The following RAB15 variants were observed in gnomAD, a reference collection of about 807,000 sequenced individuals.
The protein encoded by RAB15 is RAB15, member RAS oncogene family, also known as ras-related protein Rab-15.
A neutral mutation model predicts 31.8 loss-of-function variants in RAB15; 13 were observed. That is an observed-to-expected ratio of 0.41 (90% CI 0.27 to 0.65). The LOEUF (loss-of-function observed/expected upper bound fraction) is 0.65. Ranked by LOEUF, RAB15 falls within the 30% of genes least tolerant of loss-of-function variation. The probability of loss-of-function intolerance (pLI) is 0.32; values close to 1 mark genes in which losing one functional copy is unlikely to be tolerated. For missense variants in RAB15, 220 were observed against 277.3 expected (o/e 0.79, Z 1.47); for synonymous variants, 100 against 105.6 (o/e 0.95, Z 0.33).
chr14:64,966,421 G>A (rs1237623527), intron 1 of RAB15, among the ~76,000 whole-genome samples: 1 of 151,940 alleles, frequency 6.6e-6, no homozygotes, highest in African/African-American at 2.4e-5. Flanking sequence ...TACTTAGGAG[G>A]CTGAGGCAGG....
intron 1 of RAB15, among the ~76,000 whole-genome samples, chr14:64,959,441 A>C (rs1015719821): frequency 6.6e-6 from 1 of 152,240 alleles, no homozygotes; most frequent in African/African-American, 2.4e-5. Context: ...ACACAAAAAG[A>C]ACCTAAGGGG....
rs1393413039 is a variant in RAB15, at chr14:64,947,909, C to T, written c.*445G>A. ...TGCACACAGCAGGACACACGGGGGA[C>T]GGGGTTTGAGGAGCTTTGATACGAA... On this transcript the variant is annotated 3_prime_UTR_variant, in exon 7 of 7. Coordinates refer to ENST00000533601, the MANE Select transcript of RAB15 (RefSeq NM_001308154.2). The surrounding 1 kb of genome is among the most constrained non-coding windows in gnomAD (Gnocchi z 5.6). The T allele has an allele frequency of 6.3e-6, 1 of 159,222 alleles. No homozygotes were observed. The allele number at this position is 159,222 out of a possible 1,614,324, so 9.9% of individuals were successfully genotyped here.
chr14:64,949,324 C>T (rs1886101158), intron 5 of RAB15, among the ~76,000 whole-genome samples: 1 of 152,200 alleles, frequency 6.6e-6, no homozygotes, highest in Non-Finnish European at 1.5e-5. Context: ...ATATTTTATA[C>T]CAAACAATCA....
rs1886679625 is a variant in RAB15 at position 64,958,160 on chromosome 14, C to G, written c.125-5589G>C. 1 of 152,200 alleles carries G rather than the reference C, an allele frequency of 6.6e-6. No individual in the cohort carries two copies. Among genetic ancestry groups the G allele is most frequent in the South Asian group, 2.1e-4 (1 of 4,826 alleles). 9.4% of individuals were successfully genotyped at this position (152,200 alleles called of 1,614,324 possible). A position where few individuals can be genotyped will look rare whatever the true frequency, so the allele number is the denominator to read the frequency against. On this transcript the variant is annotated intron_variant, in intron 1 of 6. Coordinates refer to ENST00000533601, the MANE Select transcript of RAB15 (RefSeq NM_001308154.2). The surrounding 1 kb of genome is among the most constrained non-coding windows in gnomAD (Gnocchi z 4.4). The stretch of plus-strand genomic sequence containing the variant: ...GGGTTTCACTGACATTATGCGGCAT[C>G]TAGAAGTGAGGCAGGGGGCACATGA...
chr14:64,951,069 C>G lies in RAB15; in HGVS notation c.324+5G>C, dbSNP rs1886223506. ...ACACCCCGGCAGTGAGGTGGCATCTCCTACCTCATCCACGTCACTGACCCA... is the reference window on the plus strand; with the variant it reads ...ACACCCCGGCAGTGAGGTGGCATCTGCTACCTCATCCACGTCACTGACCCA... On this transcript the variant is annotated splice_donor_5th_base_variant and intron_variant, in intron 4 of 6. Coordinates refer to ENST00000533601, the MANE Select transcript of RAB15 (RefSeq NM_001308154.2). The surrounding 1 kb of genome is among the most constrained non-coding windows in gnomAD (Gnocchi z 7.2). The G allele has an allele frequency of 6.2e-7, 1 of 1,613,012 alleles. No individual in the cohort carries two copies. Among genetic ancestry groups the G allele is most frequent in the Non-Finnish European group, 8.5e-7 (1 of 1,179,854 alleles).
intron 1 of RAB15, among the ~76,000 whole-genome samples, chr14:64,965,295 T>C (rs1887075440): frequency 6.6e-6 from 1 of 151,958 alleles, no homozygotes; most frequent in South Asian, 2.1e-4. Flanking sequence ...CCATCTCTAC[T>C]AAAAACACAA....
In RAB15 at chr14:64,950,230, C is replaced by A; in HGVS notation, c.414+95G>T. ...GCTGGGGACGTGTGGGAGGACCTGC[C>A]ACTGGGGAACACACCCCTAGGTCCC... is the stretch of plus-strand genomic sequence containing the variant. On this transcript the variant is annotated intron_variant, in intron 5 of 6. Transcript: ENST00000533601. The surrounding 1 kb of genome is among the most constrained non-coding windows in gnomAD (Gnocchi z 5.6). The A allele has an allele frequency of 1.0e-6, 1 of 999,796 alleles. No individual in the cohort carries two copies. The highest frequency in any genetic ancestry group is 1.6e-6 in the Non-Finnish European group (1 of 625,692). The allele number at this position is 999,796 out of a possible 1,614,324, so 61.9% of individuals were successfully genotyped here.
In RAB15 at chr14:64,970,893, G is replaced by A. The variant is rs1887382859; in HGVS notation, c.124+1060C>T. On this transcript the variant is annotated intron_variant, in intron 1 of 6. Coordinates refer to ENST00000533601, the MANE Select transcript of RAB15 (RefSeq NM_001308154.2). The surrounding 1 kb of genome is among the most constrained non-coding windows in gnomAD (Gnocchi z 4.1). ...TCTCTCAGCAAGGAATGTGTGTTGG[G>A]GGGAGGGGGGATGGTGTGGACATGA... is the stretch of plus-strand genomic sequence containing the variant. Among the ~76,000 whole-genome samples, 1 of 152,170 alleles carries A rather than the reference G, an allele frequency of 6.6e-6. No individual in the cohort carries two copies. Among genetic ancestry groups the A allele is most frequent in the Non-Finnish European group, 1.5e-5 (1 of 68,028 alleles).
Position 64,951,168 on chromosome 14 carries a change from T to C in RAB15, c.247-17A>G. On this transcript the variant is annotated splice_polypyrimidine_tract_variant and intron_variant, in intron 3 of 6. Transcript: ENST00000533601. The surrounding 1 kb of genome is among the most constrained non-coding windows in gnomAD (Gnocchi z 7.2). ...AAATATCCCCTGAGAGAGAGAGAAATAGAGAGATGTGATATGCACAGAGAG... is the reference window on the plus strand; with the variant it reads ...AAATATCCCCTGAGAGAGAGAGAAACAGAGAGATGTGATATGCACAGAGAG... 1 of 1,523,438 alleles carries C rather than the reference T, an allele frequency of 6.6e-7. No individual in the cohort carries two copies. Among genetic ancestry groups the C allele is most frequent in the Non-Finnish European group, 9.1e-7 (1 of 1,102,514 alleles). The allele number at this position is 1,523,438 out of a possible 1,614,324, so 94.4% of individuals were successfully genotyped here.
chr14:64,966,585 T>C (rs1044322931), intron 1 of RAB15, among the ~76,000 whole-genome samples: 10 of 152,130 alleles, frequency 6.6e-5, no homozygotes, highest in African/African-American at 2.2e-4. Flanking sequence ...GCAGCTATTA[T>C]TTTATCGAGG....
In RAB15 at chr14:64,952,627, G is replaced by A; in HGVS notation, c.125-56C>T. 1 of 1,307,558 alleles carries A rather than the reference G, an allele frequency of 7.6e-7. No homozygotes were observed. Among genetic ancestry groups the A allele is most frequent in the Admixed American group, 1.8e-5 (1 of 56,566 alleles). 81.0% of individuals were successfully genotyped at this position (1,307,558 alleles called of 1,614,324 possible). ...AAAGCGTACCCACGAGAAATGAACA[G>A]GAAAGGGCCAGGCAATCACACTTGA... On this transcript the variant is annotated intron_variant, in intron 1 of 6. Transcript: ENST00000533601. This position sits in a 1 kb window ranked among gnomAD's most constrained non-coding sequence, Gnocchi z 4.2.
rs774877708 is a variant in RAB15, at chr14:64,951,168, TAGAG to T, written c.247-21_247-18del. On this transcript the variant is annotated intron_variant, in intron 3 of 6. Coordinates refer to ENST00000533601, the MANE Select transcript of RAB15 (RefSeq NM_001308154.2). This position sits in a 1 kb window ranked among gnomAD's most constrained non-coding sequence, Gnocchi z 7.2. ...AAATATCCCCTGAGAGAGAGAGAAA[TAGAG>T]AGATGTGATATGCACAGAGAGAGTG... 7.9e-6 allele frequency: 12 copies of T among 1,523,326 alleles called. No homozygotes were observed. Among genetic ancestry groups the T allele is most frequent in the African/African-American group, 5.5e-5 (4 of 72,908 alleles). The allele number at this position is 1,523,326 out of a possible 1,614,324, so 94.4% of individuals were successfully genotyped here. A position where few individuals can be genotyped will look rare whatever the true frequency, so the allele number is the denominator to read the frequency against.
At chr14:64,961,916 A>AG (rs1314210957) in intron 1 of RAB15, among the ~76,000 whole-genome samples, 3 of 147,692 alleles carry the variant, frequency 2.0e-5, no homozygotes, top group Non-Finnish European at 4.5e-5. Context: ...CTCTGTCTTA[A>AG]AAAAAAAAAA....
chr14:64,963,085 C>T (rs1163042297), intron 1 of RAB15, among the ~76,000 whole-genome samples: 1 of 147,634 alleles, frequency 6.8e-6, no homozygotes, highest in African/African-American at 2.5e-5. Flanking sequence ...AGTAGATAAT[C>T]AGGATCAGTG....
rs1337132764 is a variant in RAB15, at chr14:64,971,514, A to G, written c.124+439T>C. Among the ~76,000 whole-genome samples, 1 of 106,174 alleles carries G rather than the reference A, an allele frequency of 9.4e-6. No homozygotes were observed. Among genetic ancestry groups the G allele is most frequent in the Non-Finnish European group, 2.0e-5 (1 of 50,560 alleles). The allele number at this position is 106,174 out of a possible 152,430, so 69.7% of individuals were successfully genotyped here. A position where few individuals can be genotyped will look rare whatever the true frequency, so the allele number is the denominator to read the frequency against. On this transcript the variant is annotated intron_variant, in intron 1 of 6. Transcript: ENST00000533601. The surrounding 1 kb of genome is among the most constrained non-coding windows in gnomAD (Gnocchi z 4.1). ...CCCCCCCTCGCCCCCCGCCGGCTCC[A>G]CCTTGGGTCACCACAGAACCAAGGG...
chr14:64,956,382 G>A (rs1251416418), intron 1 of RAB15, among the ~76,000 whole-genome samples: 1 of 149,972 alleles, frequency 6.7e-6, no homozygotes, highest in Admixed American at 6.7e-5. Context: ...CTGCACTCCA[G>A]TCTGGGCGAC....
chr14:64,963,507 G>C (rs1319620864), intron 1 of RAB15, among the ~76,000 whole-genome samples: 3 of 152,134 alleles, frequency 2.0e-5, no homozygotes, highest in African/African-American at 7.2e-5. Context: ...AGGCAGCCAA[G>C]ACCCACCAGG....
Position 64,950,233 on chromosome 14 carries a change from T to G in RAB15, c.414+92A>C. On this transcript the variant is annotated intron_variant, in intron 5 of 6. Coordinates refer to ENST00000533601, the MANE Select transcript of RAB15 (RefSeq NM_001308154.2). This position sits in a 1 kb window ranked among gnomAD's most constrained non-coding sequence, Gnocchi z 5.6. ...GGGGACGTGTGGGAGGACCTGCCAC[T>G]GGGGAACACACCCCTAGGTCCCCAC... 1.9e-6 allele frequency: 2 copies of G among 1,055,716 alleles called. No individual in the cohort carries two copies. Among genetic ancestry groups the G allele is most frequent in the Non-Finnish European group, 3.0e-6 (2 of 675,912 alleles). 65.4% of individuals were successfully genotyped at this position (1,055,716 alleles called of 1,614,324 possible).
Position 64,948,728 on chromosome 14 carries a change from C to G in RAB15, c.420G>C (p.Ala140=). The change falls in exon 6 of 7, where the codon GCG becomes GCC. Residue 140 remains alanine, a synonymous_variant. Transcript: ENST00000533601. This position sits in a 1 kb window ranked among gnomAD's most constrained non-coding sequence, Gnocchi z 7.0. ...QVGREQGQQL[A]KEYGMDFYET... ...CATAGAAGTCCATGCCATACTCCTTCGCCAGCTGCAAGAGAAGGACATTTC... is the reference window on the plus strand; with the variant it reads ...CATAGAAGTCCATGCCATACTCCTTGGCCAGCTGCAAGAGAAGGACATTTC... 1.9e-6 allele frequency: 3 copies of G among 1,613,802 alleles called. No individual in the cohort carries two copies. The highest frequency in any genetic ancestry group is 2.5e-6 in the Non-Finnish European group (3 of 1,179,894).
Sources: gnomAD v4.1 joint callset for allele counts (sites outside exome capture counted in the v4.1 genomes callset) on GRCh38, gnomAD v4.1.1 for gene constraint, Gnocchi (gnomAD v3.1) non-coding constraint, MANE v1.5 for transcripts, NCBI Gene and HGNC (gene_info 2026-07-23, HGNC 2026-07-21) for gene names.